Variants in ENPP1 observed in about 807,000 individuals in gnomAD.
The protein encoded by ENPP1 is ectonucleotide pyrophosphatase/phosphodiesterase family member 1.
In ENPP1, 73 loss-of-function variants were observed where a neutral mutation model predicts 122.8. The observed-to-expected ratio is 0.59, with a 90% CI of 0.49 to 0.72. The LOEUF (loss-of-function observed/expected upper bound fraction) is 0.72. Among genes scored for constraint, ENPP1 ranks in the 30% least tolerant of loss-of-function variants. The pLI is 0.00. For synonymous variants in ENPP1, 367 were observed against 391.6 expected (o/e 0.94, Z 0.74); for missense variants, 978 against 1,128.1 (o/e 0.87, Z 1.91).
rs559818057 is a variant in ENPP1 at position 131,887,116 on chromosome 6, C to G, written c.2607+392C>G. 2.6e-5 allele frequency among the ~76,000 whole-genome samples: 4 copies of G among 151,830 alleles called. No individual in the cohort carries two copies. In the East Asian group the frequency reaches 7.8e-4, roughly 29 times the overall value. ...CAGATCAGAATCAAACTTTGTATGG[C>G]TTAACCACTAAAGTCTAGGTTTATC... On this transcript the variant is annotated intron_variant, in intron 24 of 24. Coordinates refer to ENST00000647893, the MANE Select transcript of ENPP1 (RefSeq NM_006208.3).
rs528357955 is a variant in ENPP1 at position 131,893,371 on chromosome 6, G to A, written c.*2860G>A. On this transcript the variant is annotated 3_prime_UTR_variant, in exon 25 of 25. Coordinates refer to ENST00000647893, the MANE Select transcript of ENPP1 (RefSeq NM_006208.3). ...CATGAAGCCACAGGAGGGGTGCCAG[G>A]CTGCACAAAAGAGACACTGGATGCT... 1 of 152,390 alleles carries A rather than the reference G, an allele frequency of 6.6e-6. No homozygotes were observed. The highest frequency in any genetic ancestry group is 6.5e-5 in the Admixed American group (1 of 15,310). The allele number at this position is 152,390 out of a possible 1,614,324, so 9.4% of individuals were successfully genotyped here.
intron 15 of ENPP1, among the ~76,000 whole-genome samples, 168 bp downstream of exon 15, chr6:131,873,218 A>C (rs1782185671): frequency 6.6e-6 from 1 of 152,130 alleles, no homozygotes; most frequent in Non-Finnish European, 1.5e-5. Flanking sequence ...GAGTTAGATA[A>C]TTCTTTGTTG....
Position 131,876,986 on chromosome 6 carries a change from A to T in ENPP1, c.1724-6A>T. On this transcript the variant is annotated splice_region_variant and splice_polypyrimidine_tract_variant and intron_variant, in intron 17 of 24. Coordinates refer to ENST00000647893, the MANE Select transcript of ENPP1 (RefSeq NM_006208.3). Reference sequence around the variant, plus strand: ...TAAGTAACTCTACCATCTTGAAATTATGCAGATTTACTGAATTTGACACCG... The same window carrying T: ...TAAGTAACTCTACCATCTTGAAATTTTGCAGATTTACTGAATTTGACACCG... 6.2e-7 allele frequency: 1 copy of T among 1,613,168 alleles called. No individual in the cohort carries two copies. The highest frequency in any genetic ancestry group is 8.5e-7 in the Non-Finnish European group (1 of 1,179,118).
At chr6:131,825,020 A>G (rs1781529408) in intron 1 of ENPP1, among the ~76,000 whole-genome samples, 1 of 152,078 alleles carries the variant, frequency 6.6e-6, no homozygotes, top group Admixed American at 6.5e-5. Context: ...AGATGGCGCC[A>G]CTGCACTCCA....
At chr6:131,870,985 A>C (rs1263333537) in intron 13 of ENPP1, among the ~76,000 whole-genome samples, 1 of 152,092 alleles carries the variant, frequency 6.6e-6, no homozygotes, top group Non-Finnish European at 1.5e-5. Context: ...CTGAGGCAGG[A>C]GAATTGCTTG....
intron 12 of ENPP1, 68 bp downstream of exon 12, chr6:131,868,194 C>T (rs1782114164): frequency 8.4e-7 from 1 of 1,190,352 alleles, no homozygotes; most frequent in Non-Finnish European, 1.3e-6. Context: ...GATGGTTTCC[C>T]AATTTTTTCT....
At chr6:131,871,445 A>G (rs922053725) in intron 13 of ENPP1, among the ~76,000 whole-genome samples, 2 of 152,154 alleles carry the variant, frequency 1.3e-5, no homozygotes, top group South Asian at 4.1e-4. Context: ...TTCTAGAACT[A>G]TCATTGAATA....
intron 1 of ENPP1, chr6:131,826,929 C>A: frequency 2.5e-6 from 1 of 394,550 alleles, no homozygotes; most frequent in South Asian, 2.4e-5. Context: ...GGATTTTTCC[C>A]ATTTCAGGAT....
intron 24 of ENPP1, among the ~76,000 whole-genome samples, chr6:131,887,970 C>T (rs1782409785): frequency 6.7e-6 from 1 of 150,126 alleles, no homozygotes; most frequent in Non-Finnish European, 1.5e-5. Flanking sequence ...AAGCGATTCT[C>T]CTGCCTCAGC....
chr6:131,879,087 T>C (rs78678469), intron 19 of ENPP1, among the ~76,000 whole-genome samples: 2,105 of 152,310 alleles, frequency 0.014, 52 homozygotes, highest in African/African-American at 0.048. Flanking sequence ...TAATACACTC[T>C]CTCAGCCTTA....
At position 131,861,610 on chromosome 6, in the gene ENPP1, A is replaced by G. The variant is rs770266535; in HGVS notation, c.931A>G (p.Lys311Glu). The part of the protein sequence containing the change: ...YKGEPIWVTA[K>E]YQGLKSGTFF... ...TCTGCTCCAGATTTGGGTCACAGCTAAGTATCAAGGCCTCAAGTCTGGCAC... is the reference window on the plus strand; with the variant it reads ...TCTGCTCCAGATTTGGGTCACAGCTGAGTATCAAGGCCTCAAGTCTGGCAC... The change falls in exon 9 of 25, where the codon AAG (lysine) becomes GAG (glutamate). Residue 311 changes from lysine (K) to glutamate (E), a missense_variant. Around this residue, in one of 3 missense-constraint regions of ENPP1, gnomAD observed 644 missense variants for 781.5 expected, o/e 0.82. Coordinates refer to ENST00000647893, the MANE Select transcript of ENPP1 (RefSeq NM_006208.3). 9.9e-6 allele frequency: 16 copies of G among 1,611,678 alleles called. No individual in the cohort carries two copies. Among genetic ancestry groups the G allele is most frequent in the Non-Finnish European group, 1.4e-5 (16 of 1,177,878 alleles).
At chr6:131,851,678 T>C (rs1418722460) in intron 4 of ENPP1, among the ~76,000 whole-genome samples, 1 of 152,180 alleles carries the variant, frequency 6.6e-6, no homozygotes, top group African/African-American at 2.4e-5. Context: ...CTGCTGTGCA[T>C]TGAGAGAGTC....
At position 131,873,581 on chromosome 6, in the gene ENPP1, T is replaced by G. The variant is rs539987438; in HGVS notation, c.1565+531T>G. Reference sequence around the variant, plus strand: ...TTCATTATACACGTTGTTTTTTCATTCTTCTTATACTAATCCATCAATAAA... The same window carrying G: ...TTCATTATACACGTTGTTTTTTCATGCTTCTTATACTAATCCATCAATAAA... On this transcript the variant is annotated intron_variant, in intron 15 of 24. Coordinates refer to ENST00000647893, the MANE Select transcript of ENPP1 (RefSeq NM_006208.3). 1.6e-4 allele frequency among the ~76,000 whole-genome samples: 25 copies of G among 152,286 alleles called. No homozygotes were observed. The South Asian group carries it at 5.0e-3, about 30-fold the overall frequency.
chr6:131,887,811 C>T (rs1174843196), intron 24 of ENPP1, among the ~76,000 whole-genome samples: 1 of 149,400 alleles, frequency 6.7e-6, no homozygotes, highest in Non-Finnish European at 1.5e-5. Flanking sequence ...GTGATCCACC[C>T]GCCTTGTCCT....
At chr6:131,832,590 A>G (rs1167208388) in intron 1 of ENPP1, among the ~76,000 whole-genome samples, 1 of 152,140 alleles carries the variant, frequency 6.6e-6, no homozygotes, top group East Asian at 1.9e-4. Context: ...AGCTCTGTAA[A>G]CTCAAAAATC....
intron 18 of ENPP1, chr6:131,877,862 AAAAAATATAT>A (rs1782251945): frequency 4.1e-5 from 4 of 98,680 alleles, no homozygotes; most frequent in African/African-American, 1.3e-4. Context: ...AAAAAAAAAA[AAAAAATATAT>A]ATATATATAT....
chr6:131,853,825 T>C (rs1781909955), intron 5 of ENPP1, among the ~76,000 whole-genome samples: 1 of 152,220 alleles, frequency 6.6e-6, no homozygotes, highest in Admixed American at 6.5e-5. Context: ...CACTAGATGC[T>C]GAAAAATTTC....
At chr6:131,857,436 G>A (rs904846114) in intron 6 of ENPP1, among the ~76,000 whole-genome samples, 1 of 150,808 alleles carries the variant, frequency 6.6e-6, no homozygotes, top group African/African-American at 2.5e-5. Flanking sequence ...TTAAGAAAAT[G>A]TGGCACATAT....
intron 6 of ENPP1, among the ~76,000 whole-genome samples, chr6:131,856,445 T>A (rs545443491): frequency 6.0e-5 from 9 of 150,494 alleles, no homozygotes; most frequent in African/African-American, 2.2e-4. Flanking sequence ...AGGTTACCTG[T>A]TCACTCTGAT....
Sources: allele counts gnomAD v4.1 joint callset (sites outside exome capture counted in the v4.1 genomes callset), GRCh38; gene constraint gnomAD v4.1.1; regional missense constraint gnomAD v4.1.1; transcripts MANE v1.5; gene names NCBI Gene and HGNC (gene_info 2026-07-23, HGNC 2026-07-21).